PTPRM: variants seen among roughly 807,000 people sequenced by gnomAD.
PTPRM encodes the protein receptor-type tyrosine-protein phosphatase mu.
In PTPRM, 47 loss-of-function variants were observed where a neutral mutation model predicts 186.7. That is an observed-to-expected ratio of 0.25 (90% CI 0.20 to 0.32). The LOEUF is 0.32. PTPRM is among the 10% of genes least tolerant of loss of function. PTPRM has a pLI of 1.00. For missense variants in PTPRM, 1,494 were observed against 1,865.0 expected (o/e 0.80, Z 3.66); for synonymous variants, 668 against 674.9 (o/e 0.99, Z 0.16).
chr18:7,647,881 C>A lies in PTPRM; in HGVS notation c.73+79990C>A, dbSNP rs2155522. Among the ~76,000 whole-genome samples, 967 of 152,320 alleles carry A rather than the reference C, an allele frequency of 6.3e-3. 5 individuals are homozygous for A. Among genetic ancestry groups the A allele is most frequent in the Non-Finnish European group, 9.0e-3 (609 of 68,036 alleles). ...ATTTTTAATGTATTCTCAGGTGATG[C>A]ACATGCTGCTGGTCTTTGGACCACC... is the stretch of plus-strand genomic sequence containing the variant. On this transcript the variant is annotated intron_variant, in intron 1 of 32. Transcript: ENST00000580170.
At chr18:7,705,903 T>A (rs2144743062) in intron 1 of PTPRM, among the ~76,000 whole-genome samples, 1 of 150,364 alleles carries the variant, frequency 6.7e-6, no homozygotes, top group South Asian at 2.1e-4. Flanking sequence ...ATGTTTTTCT[T>A]ACAGTTTCTT....
chr18:7,818,005 C>A (rs1451844644), intron 2 of PTPRM, among the ~76,000 whole-genome samples: 1 of 152,220 alleles, frequency 6.6e-6, no homozygotes, highest in Non-Finnish European at 1.5e-5. Flanking sequence ...TCCTTAACCT[C>A]ACACTCCCTG....
At chr18:7,909,352 G>A (rs2050151690) in intron 4 of PTPRM, among the ~76,000 whole-genome samples, 1 of 152,230 alleles carries the variant, frequency 6.6e-6, no homozygotes, top group African/African-American at 2.4e-5. Context: ...GGGAACTGCT[G>A]TGAGGGCACA....
intron 2 of PTPRM, among the ~76,000 whole-genome samples, chr18:7,798,162 A>T (rs1281050847): frequency 6.6e-6 from 1 of 152,204 alleles, no homozygotes; most frequent in African/African-American, 2.4e-5. Flanking sequence ...GAGGGTTGGT[A>T]GTTCAAAAAT....
intron 7 of PTPRM, among the ~76,000 whole-genome samples, chr18:8,044,209 T>A (rs1411821736): frequency 1.3e-5 from 2 of 152,194 alleles, no homozygotes; most frequent in Non-Finnish European, 2.9e-5. Flanking sequence ...AAGAGTTTGT[T>A]CAAGGGGAGA....
chr18:8,035,600 C>T (rs2086272259), intron 7 of PTPRM, among the ~76,000 whole-genome samples: 3 of 151,836 alleles, frequency 2.0e-5, no homozygotes, highest in Non-Finnish European at 2.9e-5. Flanking sequence ...TATTTTTGGA[C>T]CGAGGTTGGT....
intron 1 of PTPRM, among the ~76,000 whole-genome samples, chr18:7,619,013 A>G (rs1315957094): frequency 6.6e-6 from 1 of 152,138 alleles, no homozygotes; most frequent in Non-Finnish European, 1.5e-5. Context: ...GGGCTCTCGG[A>G]GGATTTACTT....
chr18:8,004,057 C>T (rs1325236998), intron 7 of PTPRM, among the ~76,000 whole-genome samples: 2 of 152,138 alleles, frequency 1.3e-5, no homozygotes, highest in African/African-American at 2.4e-5. Flanking sequence ...GGAAATGCTT[C>T]CTTTGTGGAC....
At chr18:8,233,728 AG>A (rs2094314191) in intron 14 of PTPRM, among the ~76,000 whole-genome samples, 1 of 152,152 alleles carries the variant, frequency 6.6e-6, no homozygotes, top group Non-Finnish European at 1.5e-5. Context: ...GCCATATCCA[AG>A]GTCATCTAGA....
At chr18:8,323,019 C>T (rs560862384) in intron 22 of PTPRM, among the ~76,000 whole-genome samples, 24 of 152,068 alleles carry the variant, frequency 1.6e-4, no homozygotes, top group African/African-American at 5.5e-4. Flanking sequence ...TTTAGGATCT[C>T]CCTAAATCTG....
intron 1 of PTPRM, among the ~76,000 whole-genome samples, chr18:7,756,668 A>G (rs1184965754): frequency 6.6e-5 from 10 of 152,190 alleles, no homozygotes; most frequent in African/African-American, 2.4e-4. Context: ...ATGATTGTAT[A>G]TAACAATTGT....
intron 23 of PTPRM, among the ~76,000 whole-genome samples, chr18:8,345,840 T>C (rs1213611172): frequency 6.6e-6 from 1 of 151,998 alleles, no homozygotes; most frequent in African/African-American, 2.4e-5. Context: ...AAGAGATGAA[T>C]AGACCAGTAG....
chr18:8,144,301 G>T (rs115315418), intron 14 of PTPRM, among the ~76,000 whole-genome samples: 1 of 152,180 alleles, frequency 6.6e-6, no homozygotes, highest in African/African-American at 2.4e-5. Flanking sequence ...GGAGCAGCTC[G>T]TGTTAGAACA....
At chr18:7,964,451 T>C (rs1323532772) in intron 7 of PTPRM, among the ~76,000 whole-genome samples, 1 of 152,198 alleles carries the variant, frequency 6.6e-6, no homozygotes, top group African/African-American at 2.4e-5. Context: ...TTTTTTGTTG[T>C]TGTTGTTGTT....
intron 7 of PTPRM, among the ~76,000 whole-genome samples, chr18:8,049,134 G>A (rs1189943160): frequency 6.6e-6 from 1 of 152,172 alleles, no homozygotes; most frequent in Admixed American, 6.5e-5. Flanking sequence ...ACTCATATTT[G>A]TTTCATACAA....
chr18:7,830,799 A>G (rs953450456), intron 2 of PTPRM, among the ~76,000 whole-genome samples: 2 of 152,132 alleles, frequency 1.3e-5, no homozygotes, highest in Non-Finnish European at 2.9e-5. Context: ...CCTTCCTCCA[A>G]CACACACCCG....
At chr18:7,776,417 G>C (rs1257328293) in intron 2 of PTPRM, among the ~76,000 whole-genome samples, 1 of 152,006 alleles carries the variant, frequency 6.6e-6, no homozygotes, top group African/African-American at 2.4e-5. Flanking sequence ...TATGTGCATG[G>C]GTGCAGCTCA....
intron 1 of PTPRM, among the ~76,000 whole-genome samples, chr18:7,755,596 G>T (rs971032928): frequency 1.3e-5 from 2 of 152,172 alleles, no homozygotes; most frequent in Non-Finnish European, 2.9e-5. Flanking sequence ...TGTGTCATTT[G>T]GCTTTTAAAC....
chr18:8,016,089 A>G (rs1944003105), intron 7 of PTPRM, among the ~76,000 whole-genome samples: 4 of 152,220 alleles, frequency 2.6e-5, no homozygotes, highest in South Asian at 4.1e-4. Flanking sequence ...AGAAAAAGAT[A>G]TAATTGGTGG....
Sources: allele counts gnomAD v4.1 joint callset (sites outside exome capture counted in the v4.1 genomes callset), GRCh38; gene constraint gnomAD v4.1.1; transcripts MANE v1.5; gene names NCBI Gene and HGNC (gene_info 2026-07-23, HGNC 2026-07-21).